The following CYRIA variants were observed in gnomAD, a reference collection of about 807,000 sequenced individuals.
CYRIA encodes CYFIP-related Rac1 interactor A.
In CYRIA, 15 loss-of-function variants were observed where a neutral mutation model predicts 43.9. That is an observed-to-expected ratio of 0.34 (90% confidence interval 0.23 to 0.53). The LOEUF (loss-of-function observed/expected upper bound fraction) is 0.53, where lower values mean the gene tolerates loss of function less well. CYRIA is among the 20% of genes least tolerant of loss of function. CYRIA has a pLI of 0.94. For synonymous variants in CYRIA, 117 were observed against 136.0 expected (o/e 0.86, Z 0.97); for missense variants, 236 against 394.2 (o/e 0.60, Z 3.40).
intron 1 of CYRIA, among the ~76,000 whole-genome samples, chr2:16,654,576 C>T (rs941489848): frequency 1.3e-5 from 2 of 152,060 alleles, no homozygotes; most frequent in East Asian, 3.9e-4. Flanking sequence ...AGAGCCAGGC[C>T]GACTTCAACC....
intron 1 of CYRIA, among the ~76,000 whole-genome samples, chr2:16,635,428 A>G (rs80162433): frequency 0.026 from 3,886 of 152,366 alleles, 87 homozygotes; most frequent in Middle Eastern, 0.092. Flanking sequence ...CAGGTTTACA[A>G]TGCAAGGATG....
chr2:16,613,056 C>T (rs1302743993), intron 2 of CYRIA, among the ~76,000 whole-genome samples: 3 of 152,196 alleles, frequency 2.0e-5, no homozygotes, highest in African/African-American at 7.2e-5. Context: ...GAGGCCTCCA[C>T]AGCCATGTGG....
intron 1 of CYRIA, among the ~76,000 whole-genome samples, chr2:16,651,626 T>C (rs540742040): frequency 6.6e-6 from 1 of 152,344 alleles, no homozygotes; most frequent in African/African-American, 2.4e-5. Flanking sequence ...TCAAAGCTTG[T>C]TGTCTTCAAA....
At chr2:16,618,438 A>G (rs11677696) in intron 2 of CYRIA, among the ~76,000 whole-genome samples, 4,963 of 152,272 alleles carry the variant, frequency 0.033, 92 homozygotes, top group Middle Eastern at 0.082. Context: ...GAAGAGAAGA[A>G]CCCCAGGTCA....
chr2:16,566,356 G>A (rs1666932687), intron 3 of CYRIA, among the ~76,000 whole-genome samples: 1 of 152,132 alleles, frequency 6.6e-6, no homozygotes, highest in Non-Finnish European at 1.5e-5. Context: ...TTTCTGCTTT[G>A]ATTGAAAATC....
intron 2 of CYRIA, among the ~76,000 whole-genome samples, chr2:16,612,233 A>T (rs1668630063): frequency 6.6e-6 from 1 of 152,148 alleles, no homozygotes; most frequent in Non-Finnish European, 1.5e-5. Context: ...TCAGAATCCA[A>T]GTTCTTCCAG....
At chr2:16,600,008 G>A (rs994929134) in intron 2 of CYRIA, among the ~76,000 whole-genome samples, 32 of 152,190 alleles carry the variant, frequency 2.1e-4, no homozygotes, top group South Asian at 1.7e-3. Flanking sequence ...CACCCGCCTC[G>A]GTCTCCCAAA....
At chr2:16,603,044 GC>G (rs1425926725) in intron 2 of CYRIA, among the ~76,000 whole-genome samples, 3 of 152,102 alleles carry the variant, frequency 2.0e-5, no homozygotes, top group Non-Finnish European at 4.4e-5. Context: ...TGCCGGCAGA[GC>G]CATTTTCCTA....
intron 1 of CYRIA, among the ~76,000 whole-genome samples, chr2:16,655,552 A>C (rs1222268012): frequency 1.3e-5 from 2 of 152,110 alleles, no homozygotes; most frequent in African/African-American, 4.8e-5. Flanking sequence ...TCTCCCTCAC[A>C]TCCAGTGTCT....
At chr2:16,589,324 C>T (rs10171652) in intron 2 of CYRIA, among the ~76,000 whole-genome samples, 12,561 of 152,034 alleles carry the variant, frequency 0.083, 674 homozygotes, top group African/African-American at 0.14. Context: ...CAAGATGTGG[C>T]GAGAGAAGAA....
chr2:16,645,834 A>G (rs1669804147), intron 1 of CYRIA, among the ~76,000 whole-genome samples: 1 of 152,240 alleles, frequency 6.6e-6, no homozygotes, highest in East Asian at 1.9e-4. Context: ...GTATGACCTG[A>G]TATGCCTGGT....
chr2:16,588,674 G>A (rs1206993152), intron 2 of CYRIA, among the ~76,000 whole-genome samples: 1 of 152,072 alleles, frequency 6.6e-6, no homozygotes, highest in African/African-American at 2.4e-5. Context: ...GTTCCTGAAA[G>A]CTCACGAGGA....
rs927704357 is a variant in CYRIA, at chr2:16,561,466, T to C, written c.503A>G (p.Asn168Ser). The change falls in exon 7 of 12, where the codon AAC becomes AGC. Residue 168 changes from asparagine (N) to serine (S), a missense_variant. Physicochemically the swap from Asn to Ser is conservative, Grantham distance 46. This residue lies in a region of CYRIA where 193 missense variants were observed against 303.9 expected (regional missense o/e 0.64). Transcript: ENST00000381323. The stretch of plus-strand genomic sequence containing the variant: ...GACCCAGGGACTCACGTGCATGTTG[T>C]TGATGCGGTTGCGACTGATTGTTCT... The part of the protein sequence containing the change: ...YRRTISRNRI[N>S]NMHLDIENEV... 1 of 1,613,832 alleles carries C rather than the reference T, an allele frequency of 6.2e-7. No individual in the cohort carries two copies. The highest frequency in any genetic ancestry group is 8.5e-7 in the Non-Finnish European group (1 of 1,179,774).
At chr2:16,642,962 T>A (rs1016251596) in intron 1 of CYRIA, among the ~76,000 whole-genome samples, 3 of 151,242 alleles carry the variant, frequency 2.0e-5, no homozygotes, top group Admixed American at 2.0e-4. Flanking sequence ...TAGAAGGCAA[T>A]AAATATTCCT....
At chr2:16,663,414 T>C (rs1454971820) in intron 1 of CYRIA, among the ~76,000 whole-genome samples, 4 of 152,064 alleles carry the variant, frequency 2.6e-5, no homozygotes, top group East Asian at 1.9e-4. Context: ...ACCTAGAGCA[T>C]GGCAATGTGA....
chr2:16,632,357 T>C (rs1669350771), intron 1 of CYRIA, among the ~76,000 whole-genome samples: 1 of 152,204 alleles, frequency 6.6e-6, no homozygotes. Context: ...AGAATGCTCC[T>C]GTTCAAACCC....
At chr2:16,566,731 C>A (rs1219329078) in intron 3 of CYRIA, among the ~76,000 whole-genome samples, 2 of 152,144 alleles carry the variant, frequency 1.3e-5, no homozygotes, top group East Asian at 3.9e-4. Flanking sequence ...CCGGAGCTAG[C>A]ATGTATTCTT....
intron 9 of CYRIA, 105 bp from the exon 10 acceptor site, chr2:16,559,691 C>A (rs1180784574): frequency 2.3e-6 from 3 of 1,310,096 alleles, no homozygotes; most frequent in Non-Finnish European, 2.1e-6. Context: ...CTCTTGGGAA[C>A]AATCCCAGAC....
chr2:16,632,352 G>A (rs976784116), intron 1 of CYRIA, among the ~76,000 whole-genome samples: 1 of 152,190 alleles, frequency 6.6e-6, no homozygotes, highest in Non-Finnish European at 1.5e-5. Context: ...TCTATAGAAT[G>A]CTCCTGTTCA....
Sources: allele counts gnomAD v4.1 joint callset (sites outside exome capture counted in the v4.1 genomes callset), GRCh38; gene constraint gnomAD v4.1.1; regional missense constraint gnomAD v4.1.1; transcripts MANE v1.5; gene names NCBI Gene and HGNC (gene_info 2026-07-23, HGNC 2026-07-21).